The following GALNT13 variants were observed in gnomAD, a reference collection of about 807,000 sequenced individuals.
GALNT13 encodes polypeptide N-acetylgalactosaminyltransferase 13.
In GALNT13, 28 loss-of-function variants were observed where a neutral mutation model predicts 64.2. That is an observed-to-expected ratio of 0.44 (90% CI 0.32 to 0.60). GALNT13 has a LOEUF of 0.60. GALNT13 is among the 20% of genes least tolerant of loss of function. The pLI is 0.05. For synonymous variants in GALNT13, 214 were observed against 224.6 expected (o/e 0.95, Z 0.42); for missense variants, 577 against 669.8 (o/e 0.86, Z 1.53).
chr2:153,491,081 C>A, the GALNT13 span, among the ~76,000 whole-genome samples: 1 of 151,828 alleles, frequency 6.6e-6, no homozygotes, highest in African/African-American at 2.4e-5. Context: ...TACTATAAAT[C>A]TATTAATATG....
At chr2:153,760,129 A>G in the GALNT13 span, among the ~76,000 whole-genome samples, 585 of 151,954 alleles carry the variant, frequency 3.8e-3, 3 homozygotes, top group African/African-American at 0.014. Context: ...TATCAGTTGT[A>G]ATTTTTCTCT....
intron 4 of GALNT13, among the ~76,000 whole-genome samples, chr2:154,145,224 C>A (rs1414570620): frequency 6.6e-6 from 1 of 150,570 alleles, no homozygotes; most frequent in East Asian, 1.9e-4. Context: ...TTTGCCCATT[C>A]CCCCACAAAT....
chr2:153,331,275 T>G, the GALNT13 span, among the ~76,000 whole-genome samples: 4 of 151,348 alleles, frequency 2.6e-5, no homozygotes, highest in Non-Finnish European at 4.4e-5. Flanking sequence ...ATCAGAGTAA[T>G]GCTCTAATAA....
At chr2:153,201,003 A>G in the GALNT13 span, among the ~76,000 whole-genome samples, 1 of 152,190 alleles carries the variant, frequency 6.6e-6, no homozygotes, top group Non-Finnish European at 1.5e-5. Flanking sequence ...GTTAACTACA[A>G]CTTTCCATTA....
At chr2:153,765,526 C>G in the GALNT13 span, among the ~76,000 whole-genome samples, 15 of 152,160 alleles carry the variant, frequency 9.9e-5, no homozygotes, top group Non-Finnish European at 1.8e-4. Flanking sequence ...AAGTAACTTG[C>G]TTTTGATTTT....
the GALNT13 span, among the ~76,000 whole-genome samples, chr2:153,477,168 A>T: frequency 6.6e-6 from 1 of 152,018 alleles, no homozygotes; most frequent in Non-Finnish European, 1.5e-5. Context: ...GCTCCTTCTC[A>T]GTCATCCCAG....
At chr2:153,982,999 G>T (rs1694569270) in intron 3 of GALNT13, among the ~76,000 whole-genome samples, 1 of 151,862 alleles carries the variant, frequency 6.6e-6, no homozygotes. Context: ...ATTGAAACAA[G>T]AACTATTTTT....
At chr2:154,241,155 G>C (rs541798554) in intron 4 of GALNT13, among the ~76,000 whole-genome samples, 1 of 152,156 alleles carries the variant, frequency 6.6e-6, no homozygotes, top group African/African-American at 2.4e-5. Context: ...CCAGCAGCTT[G>C]TGTGTCTGCC....
At chr2:153,515,772 G>T in the GALNT13 span, among the ~76,000 whole-genome samples, 1 of 152,118 alleles carries the variant, frequency 6.6e-6, no homozygotes, top group African/African-American at 2.4e-5. Flanking sequence ...AAATGATCCA[G>T]AAGGTGTTCC....
the GALNT13 span, among the ~76,000 whole-genome samples, chr2:153,737,865 A>G: frequency 6.6e-6 from 1 of 152,060 alleles, no homozygotes; most frequent in African/African-American, 2.4e-5. Flanking sequence ...TCCAAGTTCT[A>G]ATATAGGCTA....
the GALNT13 span, among the ~76,000 whole-genome samples, chr2:153,136,042 A>G: frequency 6.6e-6 from 1 of 152,076 alleles, no homozygotes; most frequent in South Asian, 2.1e-4. Flanking sequence ...GTGCTTCCCT[A>G]GAAACTTCTC....
chr2:153,788,804 A>G, the GALNT13 span, among the ~76,000 whole-genome samples: 1 of 152,116 alleles, frequency 6.6e-6, no homozygotes, highest in Non-Finnish European at 1.5e-5. Context: ...TGCAATCCTA[A>G]CTTCAGACAA....
chr2:153,779,368 A>T, the GALNT13 span, among the ~76,000 whole-genome samples: 1 of 152,168 alleles, frequency 6.6e-6, no homozygotes, highest in Non-Finnish European at 1.5e-5. Flanking sequence ...CAAGTTATAG[A>T]CTTGACACAG....
At position 153,924,831 on chromosome 2, in the gene GALNT13, A is replaced by G. The variant is rs1346513143; in HGVS notation, c.-104-19563A>G. Among the ~76,000 whole-genome samples the G allele has an allele frequency of 4.6e-5, 7 of 151,626 alleles. No individual in the cohort carries two copies. The East Asian group carries it at 1.4e-3, about 29-fold the overall frequency. On this transcript the variant is annotated intron_variant, in intron 2 of 12. Transcript: ENST00000392825. ...GATCCGTGACGTTGAGCTTTTTTTC[A>G]TGTTTGTTGGCCACATGTATGTTTT...
intron 4 of GALNT13, among the ~76,000 whole-genome samples, chr2:154,191,696 C>T (rs1001512497): frequency 6.6e-6 from 1 of 152,088 alleles, no homozygotes; most frequent in African/African-American, 2.4e-5. Context: ...GGGTGTGGCT[C>T]GCTTCTTCGG....
the GALNT13 span, among the ~76,000 whole-genome samples, chr2:153,579,577 A>G: frequency 6.6e-6 from 1 of 152,278 alleles, no homozygotes; most frequent in East Asian, 1.9e-4. Context: ...ATAATTTGAG[A>G]AAAGAGAGAA....
At chr2:154,417,002 C>T (rs548786532) in intron 11 of GALNT13, among the ~76,000 whole-genome samples, 1 of 152,078 alleles carries the variant, frequency 6.6e-6, no homozygotes, top group Non-Finnish European at 1.5e-5. Flanking sequence ...TTACATTTTT[C>T]TCTCTCATCT....
At chr2:153,131,775 T>C in the GALNT13 span, among the ~76,000 whole-genome samples, 1 of 151,976 alleles carries the variant, frequency 6.6e-6, no homozygotes, top group South Asian at 2.1e-4. Flanking sequence ...ATTTGTATTT[T>C]AGTATATGTA....
chr2:153,715,238 G>A, the GALNT13 span, among the ~76,000 whole-genome samples: 1 of 152,154 alleles, frequency 6.6e-6, no homozygotes, highest in Non-Finnish European at 1.5e-5. Context: ...TGTAATCAGG[G>A]GTATTTTTGT....
Sources: gnomAD v4.1 joint callset for allele counts (sites outside exome capture counted in the v4.1 genomes callset) on GRCh38, gnomAD v4.1.1 for gene constraint, MANE v1.5 for transcripts, NCBI Gene and HGNC (gene_info 2026-07-23, HGNC 2026-07-21) for gene names.